TMEM242: variants seen among roughly 807,000 people sequenced by gnomAD.
TMEM242 encodes the protein transmembrane protein 242.
TMEM242 carries 10 observed loss-of-function variants against 18.2 expected under a neutral mutation model. The observed-to-expected ratio is 0.55, with a 90% CI of 0.34 to 0.93. The LOEUF is 0.93. Ranked by LOEUF, TMEM242 falls within the 40% of genes least tolerant of loss-of-function variation. TMEM242 has a pLI of 0.02. For missense variants in TMEM242, 186 were observed against 175.5 expected, an observed-to-expected ratio of 1.06 and a Z score of -0.34; for synonymous variants, 57 against 69.9, an observed-to-expected ratio of 0.81 and a Z score of 0.92.
intron 3 of TMEM242, among the ~76,000 whole-genome samples, chr6:157,297,039 A>T (rs587597986): frequency 6.6e-6 from 1 of 152,384 alleles, no homozygotes; most frequent in East Asian, 1.9e-4. Context: ...TAGGCCATAT[A>T]GCCAGTAGGC....
At chr6:157,313,033 TGTCCC>T (rs1778236194) in intron 3 of TMEM242, among the ~76,000 whole-genome samples, 1 of 152,180 alleles carries the variant, frequency 6.6e-6, no homozygotes, top group Non-Finnish European at 1.5e-5. Context: ...CTCATCATAG[TGTCCC>T]AGTGTGCACT....
intron 3 of TMEM242, among the ~76,000 whole-genome samples, chr6:157,302,549 A>G (rs1777845341): frequency 6.6e-6 from 1 of 152,238 alleles, no homozygotes; most frequent in South Asian, 2.1e-4. Flanking sequence ...TGAGGGGGAA[A>G]AAAAACTGTT....
intron 3 of TMEM242, among the ~76,000 whole-genome samples, chr6:157,303,729 T>C (rs1429964440): frequency 1.3e-5 from 2 of 152,134 alleles, no homozygotes; most frequent in South Asian, 4.1e-4. Context: ...CACAATTATT[T>C]TGAAAGTCTT....
intron 3 of TMEM242, among the ~76,000 whole-genome samples, chr6:157,307,736 G>C (rs1230730788): frequency 2.0e-5 from 3 of 152,144 alleles, no homozygotes; most frequent in East Asian, 1.9e-4. Flanking sequence ...AATGATTCCA[G>C]GAAAATATTC....
In TMEM242 at chr6:157,292,541, TA is replaced by T. The variant is rs1295854104; in HGVS notation, c.*359del. Reference sequence around the variant, plus strand: ...AGACACATTGCAGTACTATTGCTATTAGGGGGTCTGTTTTATAAATATTTTC... The same window carrying T: ...AGACACATTGCAGTACTATTGCTATTGGGGGTCTGTTTTATAAATATTTTC... On this transcript the variant is annotated 3_prime_UTR_variant, in exon 4 of 4. Coordinates refer to ENST00000400788, the MANE Select transcript of TMEM242 (RefSeq NM_018452.6). The T allele has an allele frequency of 2.3e-5, 4 of 170,454 alleles. No homozygotes were observed. Among genetic ancestry groups the T allele is most frequent in the Non-Finnish European group, 3.8e-5 (3 of 79,562 alleles). 10.6% of individuals were successfully genotyped at this position (170,454 alleles called of 1,614,324 possible).
chr6:157,310,229 T>A (rs587729730), intron 3 of TMEM242, among the ~76,000 whole-genome samples: 1 of 152,206 alleles, frequency 6.6e-6, no homozygotes, highest in Non-Finnish European at 1.5e-5. Flanking sequence ...TAAATAACCA[T>A]GTAAACAGCA....
chr6:157,318,204 T>C (rs1043717358), intron 3 of TMEM242: 1 of 152,340 alleles, frequency 6.6e-6, no homozygotes, highest in Non-Finnish European at 1.5e-5. Context: ...AATAATTTTA[T>C]TGAACAAATC....
chr6:157,299,507 G>C, intron 3 of TMEM242: 1 of 1,442,154 alleles, frequency 6.9e-7, no homozygotes, highest in Non-Finnish European at 9.7e-7. Flanking sequence ...ACAAAAACGA[G>C]CAGTATCCAG....
At chr6:157,310,584 AC>A (rs1562381970) in intron 3 of TMEM242, among the ~76,000 whole-genome samples, 127 of 147,916 alleles carry the variant, frequency 8.6e-4, no homozygotes, top group African/African-American at 3.2e-3. Flanking sequence ...GTGTGCGCTC[AC>A]CCGGCCTCAT....
intron 3 of TMEM242, among the ~76,000 whole-genome samples, chr6:157,307,842 T>A (rs957030610): frequency 8.5e-5 from 13 of 152,142 alleles, no homozygotes; most frequent in African/African-American, 2.9e-4. Context: ...GTGAGCACTA[T>A]GAAGAAGTGG....
At position 157,305,763 on chromosome 6, in the gene TMEM242, T is replaced by C. The variant is rs1405254883; in HGVS notation, c.328-12764A>G. 2.2e-5 allele frequency among the ~76,000 whole-genome samples: 2 copies of C among 88,892 alleles called. No homozygotes were observed. Among genetic ancestry groups the C allele is most frequent in the Non-Finnish European group, 4.4e-5 (2 of 45,970 alleles). 58.3% of individuals were successfully genotyped at this position (88,892 alleles called of 152,430 possible). On this transcript the variant is annotated intron_variant, in intron 3 of 3. Coordinates refer to ENST00000400788, the MANE Select transcript of TMEM242 (RefSeq NM_018452.6). This position sits in a 1 kb window ranked among gnomAD's most constrained non-coding sequence, Gnocchi z 4.1. ...GTTTCAGGATGGAGGGGGGGCTCCA[T>C]TGTGCCCAAATGTTGCTGGGAGGGC...
rs139277591 is a variant in TMEM242, at chr6:157,321,711, G to A, written c.189+994C>T. Among the ~76,000 whole-genome samples the A allele has an allele frequency of 2.1e-3, 317 of 152,298 alleles. 2 individuals are homozygous for A. Among genetic ancestry groups the A allele is most frequent in the African/African-American group, 7.1e-3 (294 of 41,564 alleles). On this transcript the variant is annotated intron_variant, in intron 2 of 3. Transcript: ENST00000400788. ...GGATGGAAAGTTGTGATATGTGTAC[G>A]TGCGCTCTTCAGCCCCAGAGAATCC...
chr6:157,313,826 C>T (rs369925538), intron 3 of TMEM242, among the ~76,000 whole-genome samples: 2 of 38,146 alleles, frequency 5.2e-5, no homozygotes, highest in African/African-American at 9.7e-5. Flanking sequence ...CCCCAGTGTG[C>T]GCTCACCTAG....
In TMEM242 at chr6:157,294,374, G is replaced by A. The variant is rs782251765; in HGVS notation, c.328-1375C>T. 8.6e-5 allele frequency among the ~76,000 whole-genome samples: 11 copies of A among 128,356 alleles called. No homozygotes were observed. The East Asian group carries it at 1.1e-3, about 13-fold the overall frequency. 84.2% of individuals were successfully genotyped at this position (128,356 alleles called of 152,430 possible). A position where few individuals can be genotyped will look rare whatever the true frequency, so the allele number is the denominator to read the frequency against. On this transcript the variant is annotated intron_variant, in intron 3 of 3. Coordinates refer to ENST00000400788, the MANE Select transcript of TMEM242 (RefSeq NM_018452.6). ...TTTTTTTTTTTTTTTTTTTTGAGACGGAGTCTGGCTCTGTCGCCCAGGCTG... is the reference window on the plus strand; with the variant it reads ...TTTTTTTTTTTTTTTTTTTTGAGACAGAGTCTGGCTCTGTCGCCCAGGCTG...
intron 3 of TMEM242, among the ~76,000 whole-genome samples, chr6:157,316,168 G>A (rs892795837): frequency 3.9e-5 from 6 of 152,172 alleles, no homozygotes; most frequent in Admixed American, 2.6e-4. Flanking sequence ...CACAGTTCAT[G>A]TAAAGTGCTA....
chr6:157,313,066 G>C (rs139001987), intron 3 of TMEM242, among the ~76,000 whole-genome samples: 2 of 127,436 alleles, frequency 1.6e-5, no homozygotes, highest in Admixed American at 8.0e-5. Context: ...CCTCATCATA[G>C]GGTCCCAGTA....
At chr6:157,311,321 C>G (rs1778074203) in intron 3 of TMEM242, among the ~76,000 whole-genome samples, 2 of 135,058 alleles carry the variant, frequency 1.5e-5, no homozygotes, top group African/African-American at 2.7e-5. Context: ...AGTGTGTGTT[C>G]ACCTAGCCTC....
chr6:157,297,926 T>G lies in TMEM242; in HGVS notation c.328-4927A>C, dbSNP rs149745190. 2.3e-3 allele frequency among the ~76,000 whole-genome samples: 346 copies of G among 152,352 alleles called. 1 individual carries two copies. The highest frequency in any genetic ancestry group is 7.8e-3 in the African/African-American group (323 of 41,594). On this transcript the variant is annotated intron_variant, in intron 3 of 3. Transcript: ENST00000400788. ...TAAATGTCAGACAAACATTTTTACT[T>G]TCTCCCCAACTTTCACTGTATCACA...
At chr6:157,314,984 G>A (rs587596003) in intron 3 of TMEM242, among the ~76,000 whole-genome samples, 2 of 152,274 alleles carry the variant, frequency 1.3e-5, no homozygotes, top group Admixed American at 6.5e-5. Flanking sequence ...AATTCAATTC[G>A]AGCTAGCTAC....
Sources: gnomAD v4.1 joint callset for allele counts (sites outside exome capture counted in the v4.1 genomes callset) on GRCh38, gnomAD v4.1.1 for gene constraint, Gnocchi (gnomAD v3.1) non-coding constraint, MANE v1.5 for transcripts, NCBI Gene and HGNC (gene_info 2026-07-23, HGNC 2026-07-21) for gene names.